PCDHGB1: variants seen among roughly 807,000 people sequenced by gnomAD.
PCDHGB1 encodes protocadherin gamma-B1.
A neutral mutation model predicts 56.6 loss-of-function variants in PCDHGB1; 34 were observed. The ratio of observed to expected loss-of-function variants is 0.60; its 90% CI spans 0.46 to 0.80. The LOEUF is 0.80. Among genes scored for constraint, PCDHGB1 ranks in the 30% least tolerant of loss-of-function variants. PCDHGB1 has a pLI of 0.00. For missense variants in PCDHGB1, 1,278 were observed against 1,204.6 expected, an observed-to-expected ratio of 1.06 and a Z score of -0.90; for synonymous variants, 561 against 505.9, an observed-to-expected ratio of 1.11 and a Z score of -1.46.
intron 1 of PCDHGB1, among the ~76,000 whole-genome samples, chr5:141,437,457 T>C (rs527469937): frequency 7.2e-5 from 11 of 152,358 alleles, no homozygotes; most frequent in Non-Finnish European, 1.5e-4. Flanking sequence ...GAGGAGACTA[T>C]ACTATACTTT....
chr5:141,404,648 G>C (rs1178706213), intron 1 of PCDHGB1: 1 of 1,614,148 alleles, frequency 6.2e-7, no homozygotes, highest in African/African-American at 1.3e-5. Flanking sequence ...CCTGTACCCT[G>C]CCCTCCCCAC....
At chr5:141,405,476 G>A (rs1214119236) in intron 1 of PCDHGB1, 1 of 1,048,044 alleles carries the variant, frequency 9.5e-7, no homozygotes, top group Non-Finnish European at 1.4e-6. Flanking sequence ...CTGGAATGCA[G>A]TGGTGTGATC....
chr5:141,389,374 G>C (rs192606668), intron 1 of PCDHGB1: 6 of 1,613,666 alleles, frequency 3.7e-6, no homozygotes, highest in Admixed American at 1.7e-5. Flanking sequence ...CTGGAGCAGC[G>C]GGAGCTGTCA....
intron 1 of PCDHGB1, among the ~76,000 whole-genome samples, chr5:141,459,220 A>G (rs1234283814): frequency 6.6e-6 from 1 of 152,234 alleles, no homozygotes; most frequent in Non-Finnish European, 1.5e-5. Flanking sequence ...CTCCAGCTCC[A>G]GGCAACAACT....
chr5:141,368,929 T>C (rs1183733565), intron 1 of PCDHGB1, among the ~76,000 whole-genome samples: 1 of 152,228 alleles, frequency 6.6e-6, no homozygotes, highest in Non-Finnish European at 1.5e-5. Context: ...AGTGTCTGTC[T>C]AGAATTCTGG....
chr5:141,394,004 A>G (rs1220367944), intron 1 of PCDHGB1: 6 of 1,613,378 alleles, frequency 3.7e-6, no homozygotes, highest in Non-Finnish European at 4.2e-6. Context: ...TAGAAAAGTC[A>G]ATAGGTAATT....
chr5:141,379,047 T>C (rs570619122), intron 1 of PCDHGB1: 2 of 152,352 alleles, frequency 1.3e-5, no homozygotes, highest in East Asian at 1.9e-4. Flanking sequence ...GGTGGTATTA[T>C]AGAATGGATT....
chr5:141,432,725 G>A lies in PCDHGB1; in HGVS notation c.2410-62082G>A, dbSNP rs755759587. The A allele has an allele frequency of 7.4e-6, 12 of 1,613,896 alleles. No individual in the cohort carries two copies. Among genetic ancestry groups the A allele is most frequent in the African/African-American group, 1.3e-5 (1 of 74,932 alleles). On this transcript the variant is annotated intron_variant, in intron 1 of 3. Transcript: ENST00000523390. This position sits in a 1 kb window ranked among gnomAD's most constrained non-coding sequence, Gnocchi z 6.0. ...GGACCACGGCCAGCCCCCTCTCTCC[G>A]CCACTGTCACGCTCACCGTGGCCGT...
intron 3 of PCDHGB1, 149 bp downstream of exon 3, chr5:141,505,630 A>T: frequency 6.8e-7 from 1 of 1,480,262 alleles, no homozygotes; most frequent in East Asian, 2.4e-5. Flanking sequence ...AATTCCAAAC[A>T]TAAAGCCTGG....
intron 1 of PCDHGB1, among the ~76,000 whole-genome samples, chr5:141,448,007 AC>A (rs1430481139): frequency 1.3e-5 from 2 of 151,784 alleles, no homozygotes; most frequent in Non-Finnish European, 2.9e-5. Context: ...AATCGCTTGA[AC>A]CCAGGAGGTG....
chr5:141,371,999 C>T (rs1243800762), intron 1 of PCDHGB1: 33 of 1,613,154 alleles, frequency 2.0e-5, no homozygotes, highest in Non-Finnish European at 2.8e-5. Flanking sequence ...TGCAGGCCCG[C>T]GACCAGGGCT....
At position 141,384,872 on chromosome 5, in the gene PCDHGB1, T is replaced by A. The variant is rs773444317; in HGVS notation, c.2409+32203T>A. On this transcript the variant is annotated intron_variant, in intron 1 of 3. Coordinates refer to ENST00000523390, the MANE Select transcript of PCDHGB1 (RefSeq NM_018922.3). ...GGTCAGCCTCCTCTGTCAGCCACCG[T>A]CACACTCACCGTGGCTGTGGCTGAC... is the stretch of plus-strand genomic sequence containing the variant. 1.9e-6 allele frequency: 3 copies of A among 1,613,766 alleles called. No individual in the cohort carries two copies. The highest frequency in any genetic ancestry group is 2.5e-6 in the Non-Finnish European group (3 of 1,179,946).
chr5:141,372,034 G>A (rs1308858640), intron 1 of PCDHGB1: 10 of 1,613,358 alleles, frequency 6.2e-6, no homozygotes, highest in Non-Finnish European at 8.5e-6. Context: ...GCCAACGTGA[G>A]CCTGCGCGTG....
intron 1 of PCDHGB1, chr5:141,430,537 A>T (rs1270804825): frequency 7.8e-6 from 3 of 385,890 alleles, no homozygotes; most frequent in African/African-American, 2.1e-5. Flanking sequence ...TAGGACTCTG[A>T]GCGCCGCTGT....
At chr5:141,398,121 A>C (rs554777335) in intron 1 of PCDHGB1, 28 of 1,590,306 alleles carry the variant, frequency 1.8e-5, no homozygotes, top group Admixed American at 3.6e-5. Context: ...TGAGGAGAGC[A>C]AGAGGGATGG....
At chr5:141,453,240 A>G (rs1470706774) in intron 1 of PCDHGB1, among the ~76,000 whole-genome samples, 1 of 152,020 alleles carries the variant, frequency 6.6e-6, no homozygotes, top group African/African-American at 2.4e-5. Context: ...CAGCCTCCCA[A>G]ATAGCTGGGG....
chr5:141,448,545 A>T lies in PCDHGB1; in HGVS notation c.2410-46262A>T, dbSNP rs537259621. On this transcript the variant is annotated intron_variant, in intron 1 of 3. Coordinates refer to ENST00000523390, the MANE Select transcript of PCDHGB1 (RefSeq NM_018922.3). ...AGCATCCTGTCAGCATTTCTTATGC[A>T]AATATGTACATATATTTTTATTTCC... 1.5e-4 allele frequency among the ~76,000 whole-genome samples: 23 copies of T among 152,334 alleles called. 1 individual carries two copies. The South Asian group carries it at 2.7e-3, about 18-fold the overall frequency.
rs11410533 is a variant in PCDHGB1, at chr5:141,429,387, TAAAA to T, written c.2410-65415_2410-65412del. Among the ~76,000 whole-genome samples, 383 of 151,446 alleles carry T rather than the reference TAAAA, an allele frequency of 2.5e-3. 1 individual carries two copies. The highest frequency in any genetic ancestry group is 4.2e-3 in the South Asian group (20 of 4,786). ...AAATGGAGAAAATGTGTTTTTTTTT[TAAAA>T]AAAATTGAGATTAAGGTCTCATTAT... On this transcript the variant is annotated intron_variant, in intron 1 of 3. Transcript: ENST00000523390.
chr5:141,507,716 C>T (rs567867232), intron 3 of PCDHGB1, among the ~76,000 whole-genome samples: 1 of 152,372 alleles, frequency 6.6e-6, no homozygotes, highest in South Asian at 2.1e-4. Flanking sequence ...CCCAAACCCT[C>T]CAAGCAAGTC....
Sources: gnomAD v4.1 joint callset for allele counts (sites outside exome capture counted in the v4.1 genomes callset) on GRCh38, gnomAD v4.1.1 for gene constraint, Gnocchi (gnomAD v3.1) non-coding constraint, MANE v1.5 for transcripts, NCBI Gene and HGNC (gene_info 2026-07-23, HGNC 2026-07-21) for gene names.